The following NRXN2 variants were observed in gnomAD, a reference collection of about 807,000 sequenced individuals.
NRXN2 encodes the protein neurexin-2-beta.
A neutral mutation model predicts 128.8 loss-of-function variants in NRXN2; 29 were observed. That is an observed-to-expected ratio of 0.23 (90% CI 0.17 to 0.31). NRXN2 has a LOEUF of 0.31. NRXN2 is among the 10% of genes least tolerant of loss of function. The pLI is 1.00. For synonymous variants in NRXN2, 1,098 were observed against 1,075.2 expected (o/e 1.02, Z -0.41); for missense variants, 1,881 against 2,452.6 (o/e 0.77, Z 4.92).
At position 64,635,438 on chromosome 11, in the gene NRXN2, T is replaced by G. The variant is rs2044558756; in HGVS notation, c.3418A>C (p.Ile1140Leu). Residue 1140 changes from isoleucine (I) to leucine (L), a missense_variant, in exon 18 of 23, where the codon ATC becomes CTC. Ile to Leu is a conservative substitution (Grantham distance 5). This residue lies in a region of NRXN2 where 390 missense variants were observed against 599.6 expected (regional missense o/e 0.65). Transcript: ENST00000265459. The surrounding 1 kb of genome is among the most constrained non-coding windows in gnomAD (Gnocchi z 4.8). ...PVCNDPGTTY[I>L]FGKGGALITY... ...ATGAGCGCTCCCCCCTTCCCAAAGA[T>G]GTATGTGGTCCCGGCTGCAGAGAGA... 6.2e-7 allele frequency: 1 copy of G among 1,613,624 alleles called. No homozygotes were observed. Among genetic ancestry groups the G allele is most frequent in the African/African-American group, 1.3e-5 (1 of 74,976 alleles).
Position 64,606,784 on chromosome 11 carries a change from A to C in NRXN2, c.*412T>G. On this transcript the variant is annotated 3_prime_UTR_variant, in exon 23 of 23. Coordinates refer to ENST00000265459, the MANE Select transcript of NRXN2 (RefSeq NM_015080.4). ...GGGGATTGGAGGGCTTGGGAAGAGAAGGAAGGCAGGAGGGACAGAAGGAAG... is the reference window on the plus strand; with the variant it reads ...GGGGATTGGAGGGCTTGGGAAGAGACGGAAGGCAGGAGGGACAGAAGGAAG... The C allele has an allele frequency of 5.3e-6, 1 of 188,372 alleles. No individual in the cohort carries two copies. The highest frequency in any genetic ancestry group is 1.1e-5 in the Non-Finnish European group (1 of 89,236). The allele number at this position is 188,372 out of a possible 1,614,324, so 11.7% of individuals were successfully genotyped here.
chr11:64,669,940 C>T (rs1470226517), intron 7 of NRXN2, among the ~76,000 whole-genome samples: 1 of 152,094 alleles, frequency 6.6e-6, no homozygotes, highest in Middle Eastern at 3.2e-3. Flanking sequence ...CCAGTCACAT[C>T]CTATGCCCTC....
chr11:64,685,221 C>G (rs2052851683), intron 6 of NRXN2, among the ~76,000 whole-genome samples: 1 of 152,170 alleles, frequency 6.6e-6, no homozygotes, highest in Admixed American at 6.5e-5. Flanking sequence ...TCCACCAGGC[C>G]AAAGCCTGCC....
At chr11:64,687,670 T>G (rs1028476131) in intron 5 of NRXN2, among the ~76,000 whole-genome samples, 2 of 150,700 alleles carry the variant, frequency 1.3e-5, no homozygotes, top group African/African-American at 2.4e-5. Context: ...AGGAGGGAGG[T>G]GGGGCAGAGC....
chr11:64,706,327 C>T (rs2056319531), intron 2 of NRXN2, among the ~76,000 whole-genome samples: 1 of 146,860 alleles, frequency 6.8e-6, no homozygotes, highest in Non-Finnish European at 1.5e-5. Flanking sequence ...CCCCACTCCC[C>T]CCACCCCACA....
In NRXN2 at chr11:64,713,544, C is replaced by T. The variant is rs1224925037; in HGVS notation, c.156G>A (p.Glu52=). The change falls in exon 2 of 23, where the codon GAG becomes GAA. Residue 52 remains glutamate (E), a synonymous_variant. Coordinates refer to ENST00000265459, the MANE Select transcript of NRXN2 (RefSeq NM_015080.4). ...CGTTGGTGCGCAGGCTGAAGCTGAG[C>T]TCGCCGCTGCTCGCCGCGCCCGCCC... The part of the protein sequence containing the change: ...ARWAGAASSG[E]LSFSLRTNAT... The T allele has an allele frequency of 2.1e-6, 3 of 1,441,200 alleles. No individual in the cohort carries two copies. The East Asian group carries it at 9.1e-5, about 44-fold the overall frequency. The allele number at this position is 1,441,200 out of a possible 1,614,324, so 89.3% of individuals were successfully genotyped here.
chr11:64,642,406 C>T lies in NRXN2; in HGVS notation c.3403+5813G>A, dbSNP rs564611351. 6.9e-5 allele frequency: 91 copies of T among 1,322,416 alleles called. No homozygotes were observed. In the African/African-American group the frequency reaches 1.4e-3, roughly 20 times the overall value. 81.9% of individuals were successfully genotyped at this position (1,322,416 alleles called of 1,614,324 possible). A position where few individuals can be genotyped will look rare whatever the true frequency, so the allele number is the denominator to read the frequency against. On this transcript the variant is annotated intron_variant, in intron 17 of 22. Transcript: ENST00000265459. ...CTGGAGATTGGAGGTGAAGGGGCTCCGGGACGCAAAGCAGAGGGGCCAGGC... is the reference window on the plus strand; with the variant it reads ...CTGGAGATTGGAGGTGAAGGGGCTCTGGGACGCAAAGCAGAGGGGCCAGGC...
Position 64,718,260 on chromosome 11 carries a change from C to T in NRXN2, c.-244-4317G>A, listed in dbSNP as rs2057349326. ...TGGCCAGGGGCCCTCTCCCCGCATCCACACAGCCCCCTCTCTGTCAATGCC... is the reference window on the plus strand; with the variant it reads ...TGGCCAGGGGCCCTCTCCCCGCATCTACACAGCCCCCTCTCTGTCAATGCC... On this transcript the variant is annotated intron_variant, in intron 1 of 22. Transcript: ENST00000265459. Among the ~76,000 whole-genome samples, 4 of 152,150 alleles carry T rather than the reference C, an allele frequency of 2.6e-5. No homozygotes were observed. In the South Asian group the frequency reaches 8.3e-4, roughly 31 times the overall value.
chr11:64,680,175 G>C (rs991635084), intron 6 of NRXN2, among the ~76,000 whole-genome samples: 3 of 152,066 alleles, frequency 2.0e-5, no homozygotes, highest in Non-Finnish European at 4.4e-5. Flanking sequence ...GGAGAGCCTC[G>C]GGACAAAACT....
Position 64,638,476 on chromosome 11 carries a change from G to C in NRXN2, c.3404-3024C>G, listed in dbSNP as rs12281011. Among the ~76,000 whole-genome samples, 307 of 152,238 alleles carry C rather than the reference G, an allele frequency of 2.0e-3. 3 individuals are homozygous for C. Among genetic ancestry groups the C allele is most frequent in the African/African-American group, 7.2e-3 (300 of 41,556 alleles). ...GCTTCCGCCAGGCCCCTCCCCAGCC[G>C]CGCTCCGGAGGCGCCTTCAGCCTCT... On this transcript the variant is annotated intron_variant, in intron 17 of 22. Coordinates refer to ENST00000265459, the MANE Select transcript of NRXN2 (RefSeq NM_015080.4).
intron 5 of NRXN2, chr11:64,688,902 T>G: frequency 1.4e-6 from 1 of 713,696 alleles, no homozygotes; most frequent in Non-Finnish European, 1.7e-6. Context: ...TACAGCTGTC[T>G]GTTCTGCTCA....
At position 64,654,251 on chromosome 11, in the gene NRXN2, G is replaced by A. The variant is rs1251533832; in HGVS notation, c.2390-529C>T. 3.3e-5 allele frequency among the ~76,000 whole-genome samples: 5 copies of A among 151,964 alleles called. No homozygotes were observed. In the South Asian group the frequency reaches 6.2e-4, roughly 19 times the overall value. On this transcript the variant is annotated intron_variant, in intron 11 of 22. Coordinates refer to ENST00000265459, the MANE Select transcript of NRXN2 (RefSeq NM_015080.4). Reference sequence around the variant, plus strand: ...GGGTCTGCCCCAGGGCCCCCTTCCCGAGGCCATACACCTCCCAAAGCCCCA... The same window carrying A: ...GGGTCTGCCCCAGGGCCCCCTTCCCAAGGCCATACACCTCCCAAAGCCCCA...
chr11:64,688,058 A>G (rs2053305285), intron 5 of NRXN2, among the ~76,000 whole-genome samples: 1 of 152,230 alleles, frequency 6.6e-6, no homozygotes, highest in African/African-American at 2.4e-5. Context: ...CATTAAAGAG[A>G]GTCAAACAGA....
chr11:64,635,740 A>AGAGAGAAGC lies in NRXN2; in HGVS notation c.3404-297_3404-289dup, dbSNP rs1373829822. 1.3e-5 allele frequency among the ~76,000 whole-genome samples: 2 copies of AGAGAGAAGC among 152,192 alleles called. No individual in the cohort carries two copies. Among genetic ancestry groups the AGAGAGAAGC allele is most frequent in the Non-Finnish European group, 2.9e-5 (2 of 68,022 alleles). On this transcript the variant is annotated intron_variant, in intron 17 of 22. Transcript: ENST00000265459. This position sits in a 1 kb window ranked among gnomAD's most constrained non-coding sequence, Gnocchi z 4.8. ...ATAGAGTGACACAGAGAGAGAGCCC[A>AGAGAGAAGC]GAGAGAAGCTGTAAGGAGACTGAGA...
chr11:64,667,411 C>T lies in NRXN2; in HGVS notation c.1637G>A (p.Ser546Asn), dbSNP rs1406771653. The change falls in exon 9 of 23, where the codon AGC becomes AAC. Residue 546 changes from serine (S) to asparagine (N), a missense_variant. This residue lies in a region of NRXN2 where 997 missense variants were observed against 1,240.8 expected (regional missense o/e 0.80). Coordinates refer to ENST00000265459, the MANE Select transcript of NRXN2 (RefSeq NM_015080.4). This position sits in a 1 kb window ranked among gnomAD's most constrained non-coding sequence, Gnocchi z 5.6. Reference protein sequence around the residue: ...RRAGGGAGSHSSAQRADYFAM... With the variant: ...RRAGGGAGSHNSAQRADYFAM... ...AAAGTAGTCGGCCCGCTGAGCAGAG[C>T]TGTGGCTGCCAGCTCCACCCCCAGC... The T allele has an allele frequency of 3.1e-6, 5 of 1,614,076 alleles. No individual in the cohort carries two copies. In the African/African-American group the frequency reaches 4.0e-5, roughly 13 times the overall value.
intron 21 of NRXN2, among the ~76,000 whole-genome samples, chr11:64,620,860 A>T (rs2042236080): frequency 6.6e-6 from 1 of 151,226 alleles, no homozygotes; most frequent in Non-Finnish European, 1.5e-5. Context: ...CTGGAGCCTG[A>T]GAGAGCCGGG....
At chr11:64,666,835 T>A (rs1424816676) in intron 9 of NRXN2, among the ~76,000 whole-genome samples, 1 of 152,152 alleles carries the variant, frequency 6.6e-6, no homozygotes, top group Non-Finnish European at 1.5e-5. Context: ...AGTGCTGGGA[T>A]TACAGGCATG....
Position 64,667,221 on chromosome 11 carries a change from G to T in NRXN2, c.1798+29C>A. 6.2e-7 allele frequency: 1 copy of T among 1,611,886 alleles called. No homozygotes were observed. Among genetic ancestry groups the T allele is most frequent in the Non-Finnish European group, 8.5e-7 (1 of 1,178,236 alleles). On this transcript the variant is annotated intron_variant, in intron 9 of 22. Coordinates refer to ENST00000265459, the MANE Select transcript of NRXN2 (RefSeq NM_015080.4). This position sits in a 1 kb window ranked among gnomAD's most constrained non-coding sequence, Gnocchi z 5.6. ...GGCAGATGGAAAGGGGTGGCCCATGGAAGGGGAAGGGTCCAGAGGCCTCCT... is the reference window on the plus strand; with the variant it reads ...GGCAGATGGAAAGGGGTGGCCCATGTAAGGGGAAGGGTCCAGAGGCCTCCT...
intron 5 of NRXN2, among the ~76,000 whole-genome samples, chr11:64,689,246 T>G (rs2053505934): frequency 6.6e-6 from 1 of 151,438 alleles, no homozygotes; most frequent in African/African-American, 2.4e-5. Context: ...CTCAATGATT[T>G]TTTTTTTTTT....
Sources: gnomAD v4.1 joint callset for allele counts (sites outside exome capture counted in the v4.1 genomes callset) on GRCh38, gnomAD v4.1.1 for gene constraint, gnomAD v4.1.1 regional missense constraint, Gnocchi (gnomAD v3.1) non-coding constraint, MANE v1.5 for transcripts, NCBI Gene and HGNC (gene_info 2026-07-23, HGNC 2026-07-21) for gene names.